The following RBBP7 variants were observed in gnomAD, a reference collection of about 807,000 sequenced individuals.
The protein encoded by RBBP7 is histone-binding protein RBBP7.
RBBP7 carries 5 observed loss-of-function variants against 35.2 expected under a neutral mutation model. That is an observed-to-expected ratio of 0.14 (90% CI 0.07 to 0.30). The LOEUF (loss-of-function observed/expected upper bound fraction) is 0.30, where lower values mean the gene tolerates loss of function less well. RBBP7 is among the 10% of genes least tolerant of loss of function. RBBP7 has a pLI of 1.00. For missense variants in RBBP7, 155 were observed against 327.5 expected (o/e 0.47, Z 4.07); for synonymous variants, 140 against 118.7 (o/e 1.18, Z -1.17).
At chrX:16,868,935 TA>T in intron 2 of RBBP7, 140 bp downstream of exon 2, 1 of 597,957 alleles carries the variant, frequency 1.7e-6, no homozygotes, top group Non-Finnish European at 2.5e-6. Flanking sequence ...ACAAATCACG[TA>T]AGTTTTGAAA....
At chrX:16,853,894 T>A in intron 5 of RBBP7, 52 bp from the exon 6 acceptor site, 1 of 575,692 alleles carries the variant, frequency 1.7e-6, no homozygotes, top group Non-Finnish European at 2.1e-6. Context: ...AGAGACTGAT[T>A]TTTTTTTTTT....
intron 2 of RBBP7, 133 bp downstream of exon 2, chrX:16,868,943 G>T (rs1001198977): frequency 1.5e-6 from 1 of 681,417 alleles, no homozygotes; most frequent in Non-Finnish European, 2.1e-6. Flanking sequence ...CGTAAGTTTT[G>T]AAAATAAAAA....
intron 5 of RBBP7, among the ~76,000 whole-genome samples, chrX:16,857,286 T>C (rs1930375151): frequency 8.9e-6 from 1 of 111,937 alleles, no homozygotes; most frequent in African/African-American, 3.2e-5. Context: ...AAATACTTTA[T>C]ATTAATCAGG....
intron 2 of RBBP7, among the ~76,000 whole-genome samples, chrX:16,867,162 C>T (rs1463534463): frequency 9.0e-6 from 1 of 111,609 alleles, no homozygotes; most frequent in African/African-American, 3.3e-5. Flanking sequence ...CTGCACCAGG[C>T]ACTTTAACAT....
intron 2 of RBBP7, among the ~76,000 whole-genome samples, chrX:16,864,526 CAAAAAA>C (rs61357554): frequency 3.4e-4 from 9 of 26,229 alleles, no homozygotes; most frequent in East Asian, 2.7e-3. Context: ...ACTCCGTCTC[CAAAAAA>C]AAAAAAAAAA....
chrX:16,866,293 C>T (rs1320576481), intron 2 of RBBP7, among the ~76,000 whole-genome samples: 1 of 109,218 alleles, frequency 9.2e-6, no homozygotes, highest in Admixed American at 9.8e-5. Context: ...TCTGGGAGGC[C>T]GAGGCGGGCG....
At chrX:16,866,998 T>C (rs190367343) in intron 2 of RBBP7, among the ~76,000 whole-genome samples, 2 of 112,053 alleles carry the variant, frequency 1.8e-5, no homozygotes, top group African/African-American at 3.2e-5. Flanking sequence ...AAGTATTACA[T>C]ATTATAGGTA....
chrX:16,848,322 C>G (rs1376334148), intron 10 of RBBP7: 1 of 111,816 alleles, frequency 8.9e-6, no homozygotes, highest in Non-Finnish European at 1.9e-5. Flanking sequence ...CCCCACTGAA[C>G]TGTACACTTT....
In RBBP7 at chrX:16,869,197, G is replaced by A. The variant is rs11542193; in HGVS notation, c.40C>T (p.Arg14Cys). ...ATTTTATATTCTTCATTGATGACAC[G>A]CTCCTCCACAGTATCTTCAAACACT... is the stretch of plus-strand genomic sequence containing the variant. ...KEMFEDTVEE[R>C]VINEEYKIWK... Residue 14 changes from arginine (R) to cysteine (C), a missense_variant, in exon 2 of 12, where the codon CGT becomes TGT. Coordinates refer to ENST00000380087, the MANE Select transcript of RBBP7 (RefSeq NM_002893.4). 8.3e-7 allele frequency: 1 copy of A among 1,208,043 alleles called. No homozygotes were observed. The highest frequency in any genetic ancestry group is 1.1e-6 in the Non-Finnish European group (1 of 893,942).
intron 1 of RBBP7, chrX:16,869,727 G>A (rs1930726770): frequency 4.1e-6 from 4 of 979,755 alleles, no homozygotes; most frequent in African/African-American, 2.0e-5. Context: ...GAGCCGCGGC[G>A]CTCGCTTCCC....
chrX:16,864,582 A>G (rs1169305824), intron 2 of RBBP7, among the ~76,000 whole-genome samples: 1 of 109,291 alleles, frequency 9.1e-6, no homozygotes, highest in Non-Finnish European at 1.9e-5. Flanking sequence ...TGGTTGATAC[A>G]TGCACAGTGG....
intron 11 of RBBP7, among the ~76,000 whole-genome samples, chrX:16,845,593 G>C (rs1460968300): frequency 1.8e-5 from 2 of 112,245 alleles, no homozygotes; most frequent in African/African-American, 6.5e-5. Context: ...ATGAAAATCA[G>C]TGCAGATGCA....
chrX:16,845,638 GCAAA>G (rs1159744306), intron 11 of RBBP7, among the ~76,000 whole-genome samples, 186 bp downstream of exon 11: 3 of 112,416 alleles, frequency 2.7e-5, no homozygotes, highest in Non-Finnish European at 5.6e-5. Flanking sequence ...GCTACAAATA[GCAAA>G]CAGTGGACGA....
intron 3 of RBBP7, among the ~76,000 whole-genome samples, chrX:16,860,160 C>A (rs1237150255): frequency 9.3e-6 from 1 of 108,086 alleles, no homozygotes; most frequent in Non-Finnish European, 1.9e-5. Context: ...ATCTGCTCCA[C>A]TTTGACCTTC....
chrX:16,859,371 C>T (rs1463702926), intron 3 of RBBP7, among the ~76,000 whole-genome samples: 1 of 112,293 alleles, frequency 8.9e-6, no homozygotes, highest in Non-Finnish European at 1.9e-5. Context: ...AACACACATA[C>T]ATTGGCCCTG....
Position 16,864,526 on chromosome X carries a change from C to CAAA in RBBP7, c.162-1429_162-1427dup, listed in dbSNP as rs61357554. On this transcript the variant is annotated intron_variant, in intron 2 of 11. Transcript: ENST00000380087. ...TGGGCAACGAGTGAAACTCCGTCTC[C>CAAA]AAAAAAAAAAAAAAAAAAAAAGAAA... is the stretch of plus-strand genomic sequence containing the variant. 4.6e-4 allele frequency among the ~76,000 whole-genome samples: 12 copies of CAAA among 26,196 alleles called. 1 individual carries two copies. Among genetic ancestry groups the CAAA allele is most frequent in the African/African-American group, 1.2e-3 (7 of 6,045 alleles). 22.7% of individuals were successfully genotyped at this position (26,196 alleles called of 115,157 possible). A position where few individuals can be genotyped will look rare whatever the true frequency, so the allele number is the denominator to read the frequency against.
intron 4 of RBBP7, 51 bp downstream of exon 4, chrX:16,858,625 T>C (rs1169080096): frequency 8.5e-7 from 1 of 1,181,996 alleles, no homozygotes; most frequent in East Asian, 3.0e-5. Context: ...ACATTACCAG[T>C]TTGAATCAAG....
At position 16,844,904 on chromosome X, in the gene RBBP7, AGAATCAGAG is replaced by A; in HGVS notation, c.*122_*130del. ...ACGCAACAGCTCACTTGAAAGTGCT[AGAATCAGAG>A]GATAAAGAAGCCATAAGCCACCCCA... On this transcript the variant is annotated 3_prime_UTR_variant, in exon 12 of 12. Transcript: ENST00000380087. 1 of 497,721 alleles carries A rather than the reference AGAATCAGAG, an allele frequency of 2.0e-6. No homozygotes were observed. The allele number at this position is 497,721 out of a possible 1,213,427, so 41.0% of individuals were successfully genotyped here. A position where few individuals can be genotyped will look rare whatever the true frequency, so the allele number is the denominator to read the frequency against.
chrX:16,869,419 C>A, intron 1 of RBBP7, 199 bp from the exon 2 acceptor site: 2 of 1,108,727 alleles, frequency 1.8e-6, no homozygotes, highest in Non-Finnish European at 2.4e-6. Context: ...GAGATCAATA[C>A]CCCCTGCGTA....
Sources: allele counts gnomAD v4.1 joint callset (sites outside exome capture counted in the v4.1 genomes callset), GRCh38; gene constraint gnomAD v4.1.1; transcripts MANE v1.5; gene names NCBI Gene and HGNC (gene_info 2026-07-23, HGNC 2026-07-21).